Variants in CIMIP2A observed in about 807,000 individuals in gnomAD.
CIMIP2A encodes the protein ciliary microtubule inner protein 2A, also known as family with sequence similarity 166 member A.
the CIMIP2A span, chr9:137,252,133 G>A: frequency 1.5e-5 from 24 of 1,607,972 alleles, no homozygotes; most frequent in Middle Eastern, 1.7e-4. Context: ...CACCAGGGCC[G>A]AGGTGTGTGT....
At chr9:137,252,826 G>A in the CIMIP2A span, 1 of 1,569,326 alleles carries the variant, frequency 6.4e-7, no homozygotes, top group Non-Finnish European at 8.6e-7. Flanking sequence ...CCCTGCTTCA[G>A]GCCTCTTTGC....
the CIMIP2A span, chr9:137,245,822 G>C: frequency 6.6e-7 from 1 of 1,510,138 alleles, no homozygotes; most frequent in Non-Finnish European, 8.9e-7. Context: ...TTCCCCACCT[G>C]GTAGCGCAGC....
At chr9:137,252,651 C>A in the CIMIP2A span, 1 of 1,536,448 alleles carries the variant, frequency 6.5e-7, no homozygotes, top group Non-Finnish European at 8.8e-7. Flanking sequence ...CCGTCTCCTA[C>A]CCCCTCGCAG....
At chr9:137,244,943 G>T in the CIMIP2A span, 1 of 1,601,826 alleles carries the variant, frequency 6.2e-7, no homozygotes, top group Non-Finnish European at 8.5e-7. Context: ...AAGCAGCTGG[G>T]AGGCAGAGGA....
chr9:137,249,497 G>A, the CIMIP2A span, among the ~76,000 whole-genome samples: 1 of 152,172 alleles, frequency 6.6e-6, no homozygotes, highest in Non-Finnish European at 1.5e-5. Context: ...TGTTGGGTGG[G>A]TGATGCTTGG....
chr9:137,251,008 A>C, the CIMIP2A span: 1 of 438,900 alleles, frequency 2.3e-6, no homozygotes, highest in East Asian at 4.8e-5. Flanking sequence ...CCAGACTCCC[A>C]GGAGACCCCA....
At chr9:137,252,392 T>G in the CIMIP2A span, 1 of 1,577,032 alleles carries the variant, frequency 6.3e-7, no homozygotes, top group African/African-American at 1.3e-5. Context: ...GACTGTCACC[T>G]GGGTGGGGCT....
At chr9:137,243,931 C>A in the CIMIP2A span, 1 of 1,024,464 alleles carries the variant, frequency 9.8e-7, no homozygotes, top group Non-Finnish European at 1.5e-6. Flanking sequence ...GAAGGCAGGC[C>A]TGTCCTGTTC....
chr9:137,243,933 G>T, the CIMIP2A span: 1 of 1,021,618 alleles, frequency 9.8e-7, no homozygotes, highest in Non-Finnish European at 1.5e-6. Flanking sequence ...AGGCAGGCCT[G>T]TCCTGTTCCA....
At chr9:137,248,628 G>A in the CIMIP2A span, among the ~76,000 whole-genome samples, 3 of 152,052 alleles carry the variant, frequency 2.0e-5, no homozygotes, top group African/African-American at 7.2e-5. Flanking sequence ...GGAGGCCGAG[G>A]CAGGATGAGG....
chr9:137,248,901 T>TA, the CIMIP2A span, among the ~76,000 whole-genome samples: 26 of 151,818 alleles, frequency 1.7e-4, no homozygotes, highest in Non-Finnish European at 3.5e-4. Flanking sequence ...AAAGGCAAAC[T>TA]AAAAAACTGG....
the CIMIP2A span, chr9:137,251,784 T>C: frequency 6.3e-7 from 1 of 1,592,488 alleles, no homozygotes. Context: ...GGGGATGGCC[T>C]GGGATGAGAC....
the CIMIP2A span, chr9:137,244,060 G>A: frequency 8.6e-7 from 1 of 1,168,804 alleles, no homozygotes; most frequent in Non-Finnish European, 1.3e-6. Flanking sequence ...GTGGGACCCT[G>A]GTAATGGTCA....
At chr9:137,251,830 T>A in the CIMIP2A span, 15 of 1,606,432 alleles carry the variant, frequency 9.3e-6, no homozygotes, top group Admixed American at 5.1e-5. Context: ...CCAGTTGGCC[T>A]CAGGTTACAG....
At chr9:137,244,792 A>C in the CIMIP2A span, 7 of 1,593,146 alleles carry the variant, frequency 4.4e-6, no homozygotes, top group Non-Finnish European at 6.0e-6. Context: ...TCCCCTGGGC[A>C]CACCCACCTG....
the CIMIP2A span, chr9:137,252,266 T>C: frequency 7.2e-7 from 1 of 1,380,612 alleles, no homozygotes; most frequent in Non-Finnish European, 9.9e-7. Flanking sequence ...ACCTCTAGGC[T>C]CAGCACCTGT....
the CIMIP2A span, chr9:137,251,384 C>T: frequency 6.2e-7 from 1 of 1,612,144 alleles, no homozygotes; most frequent in Non-Finnish European, 8.5e-7. Context: ...CAGACACAAC[C>T]AGAGCCCACC....
the CIMIP2A span, among the ~76,000 whole-genome samples, chr9:137,246,749 C>A: frequency 6.6e-6 from 1 of 151,702 alleles, no homozygotes; most frequent in African/African-American, 2.4e-5. Flanking sequence ...GGCAACAGAG[C>A]GAGACTCCGT....
the CIMIP2A span, chr9:137,253,385 C>T: frequency 6.0e-6 from 9 of 1,509,630 alleles, no homozygotes; most frequent in African/African-American, 5.5e-5. Flanking sequence ...ACCCTTCTGG[C>T]TGGCCAACCC....
Sources: allele counts gnomAD v4.1 joint callset (sites outside exome capture counted in the v4.1 genomes callset), GRCh38; gene constraint gnomAD v4.1.1; transcripts MANE v1.5; gene names NCBI Gene and HGNC (gene_info 2026-07-23, HGNC 2026-07-21).